Variants in LUZP2 observed in about 807,000 individuals in gnomAD.
The protein encoded by LUZP2 is leucine zipper protein 2.
LUZP2 carries 52 observed loss-of-function variants against 51.6 expected under a neutral mutation model. That is an observed-to-expected ratio of 1.01 (90% confidence interval 0.81 to 1.27). The LOEUF is 1.27. Among genes scored for constraint, LUZP2 ranks in the 50% most tolerant of loss-of-function variants. The probability of loss-of-function intolerance (pLI) is 0.00; values close to 1 mark genes in which losing one functional copy is unlikely to be tolerated. For missense variants in LUZP2, 436 were observed against 395.4 expected (o/e 1.10, Z -0.87); for synonymous variants, 154 against 137.3 (o/e 1.12, Z -0.85).
chr11:24,620,774 G>A (rs1256856621), intron 1 of LUZP2, among the ~76,000 whole-genome samples: 1 of 152,210 alleles, frequency 6.6e-6, no homozygotes, highest in African/African-American at 2.4e-5. Context: ...TACACTCACA[G>A]TGGGAGTGGG....
At chr11:24,841,964 A>G (rs1242795946) in intron 5 of LUZP2, among the ~76,000 whole-genome samples, 1 of 152,060 alleles carries the variant, frequency 6.6e-6, no homozygotes, top group Non-Finnish European at 1.5e-5. Context: ...GTATGAGGAA[A>G]CTCACATACC....
intron 1 of LUZP2, among the ~76,000 whole-genome samples, chr11:24,641,916 A>G (rs1259591634): frequency 6.6e-6 from 1 of 151,844 alleles, no homozygotes. Context: ...GTTTTTTGAG[A>G]TTGAGTCTCA....
chr11:25,028,649 A>G (rs1857565229), intron 9 of LUZP2, among the ~76,000 whole-genome samples: 1 of 150,734 alleles, frequency 6.6e-6, no homozygotes, highest in African/African-American at 2.4e-5. Context: ...ACCATTTTTT[A>G]TTTCAGTAGA....
chr11:24,585,581 C>G (rs1429798313), intron 1 of LUZP2, among the ~76,000 whole-genome samples: 3 of 151,794 alleles, frequency 2.0e-5, no homozygotes, highest in African/African-American at 7.3e-5. Context: ...ATATATTTTT[C>G]TACTTTAAAA....
chr11:24,594,490 C>G (rs538169779), intron 1 of LUZP2, among the ~76,000 whole-genome samples: 109 of 152,174 alleles, frequency 7.2e-4, no homozygotes, highest in African/African-American at 2.6e-3. Flanking sequence ...ATTCAGGGAT[C>G]GATACTTTGA....
intron 9 of LUZP2, among the ~76,000 whole-genome samples, chr11:24,997,522 C>T (rs1038938800): frequency 1.2e-4 from 19 of 152,086 alleles, no homozygotes; most frequent in Admixed American, 1.0e-3. Flanking sequence ...GATATTAGCC[C>T]TTTGTCAGAT....
chr11:24,525,788 A>G (rs1327654384), intron 1 of LUZP2, among the ~76,000 whole-genome samples: 3 of 151,430 alleles, frequency 2.0e-5, no homozygotes, highest in Non-Finnish European at 4.4e-5. Context: ...GGCCTTTAGG[A>G]AATCCTATTT....
intron 7 of LUZP2, among the ~76,000 whole-genome samples, chr11:24,924,911 A>T (rs1305321741): frequency 6.6e-6 from 1 of 152,156 alleles, no homozygotes; most frequent in Non-Finnish European, 1.5e-5. Flanking sequence ...TAATATGCAG[A>T]TGAAGCCTCT....
chr11:24,905,117 A>G (rs1853405939), intron 5 of LUZP2, among the ~76,000 whole-genome samples: 1 of 152,300 alleles, frequency 6.6e-6, no homozygotes, highest in Admixed American at 6.5e-5. Context: ...TTATATGTAT[A>G]TATATAATAA....
At position 24,629,538 on chromosome 11, in the gene LUZP2, AT is replaced by A. The variant is rs1208325134; in HGVS notation, c.63-99630del. ...TATATATATTCCATTGCATATATAT[AT>A]ATTCCATTGCATATATATATATATA... On this transcript the variant is annotated intron_variant, in intron 1 of 11. Coordinates refer to ENST00000336930, the MANE Select transcript of LUZP2 (RefSeq NM_001009909.4). 4.3e-5 allele frequency among the ~76,000 whole-genome samples: 5 copies of A among 116,414 alleles called. No homozygotes were observed. In the East Asian group the frequency reaches 1.2e-3, roughly 29 times the overall value. The allele number at this position is 116,414 out of a possible 152,430, so 76.4% of individuals were successfully genotyped here. A position where few individuals can be genotyped will look rare whatever the true frequency, so the allele number is the denominator to read the frequency against.
intron 5 of LUZP2, among the ~76,000 whole-genome samples, chr11:24,764,840 A>G (rs968599749): frequency 7.9e-5 from 12 of 152,106 alleles, no homozygotes; most frequent in African/African-American, 2.4e-4. Flanking sequence ...ATAAATAAAT[A>G]AACGCAAAAC....
chr11:24,746,043 T>C, intron 4 of LUZP2, among the ~76,000 whole-genome samples: 1 of 152,212 alleles, frequency 6.6e-6, no homozygotes, highest in East Asian at 1.9e-4. Flanking sequence ...ACCATCAATG[T>C]TCGTACTGAG....
intron 1 of LUZP2, chr11:24,646,480 T>C (rs1048654073): frequency 6.5e-6 from 3 of 463,562 alleles, no homozygotes; most frequent in Non-Finnish European, 8.5e-6. Flanking sequence ...CAGAGTTTCC[T>C]ATCTTAATGC....
At chr11:24,567,194 C>A in intron 1 of LUZP2, among the ~76,000 whole-genome samples, 1 of 149,280 alleles carries the variant, frequency 6.7e-6, no homozygotes. Context: ...GGTACAATCA[C>A]CTAAATGAAA....
rs1554957901 is a variant in LUZP2 at position 25,030,893 on chromosome 11, A to ATATATAATATATATTGTAT, written c.766-19139_766-19138insATATATATTGTATTATATA. Among the ~76,000 whole-genome samples, 45 of 40,044 alleles carry ATATATAATATATATTGTAT rather than the reference A, an allele frequency of 1.1e-3. 2 individuals carry two copies. Among genetic ancestry groups the ATATATAATATATATTGTAT allele is most frequent in the South Asian group, 1.2e-3 (2 of 1,660 alleles). The allele number at this position is 40,044 out of a possible 152,430, so 26.3% of individuals were successfully genotyped here. ...GTATATGTGTGTTACTATATATATT[A>ATATATAATATATATTGTAT]TATATATATATAATATATATTGTAT... is the stretch of plus-strand genomic sequence containing the variant. On this transcript the variant is annotated intron_variant, in intron 9 of 11. Transcript: ENST00000336930.
chr11:24,976,612 G>C lies in LUZP2; in HGVS notation c.544G>C (p.Glu182Gln). ...ACAGGCGCAGCAGCTTACTGATCTG[G>C]AACAAAAATTAGCTGTAGCCAAAAA... ...LFKAQQLTDL[E>Q]QKLAVAKNEL... is the part of the protein sequence containing the mutation. The change falls in exon 8 of 12, where the codon GAA (glutamate) becomes CAA (glutamine). Residue 182 changes from glutamate to glutamine, a missense_variant. Glu to Gln is a conservative substitution (Grantham distance 29). Transcript: ENST00000336930. 2 of 1,580,958 alleles carry C rather than the reference G, an allele frequency of 1.3e-6. No individual in the cohort carries two copies. The highest frequency in any genetic ancestry group is 1.7e-6 in the Non-Finnish European group (2 of 1,167,670).
chr11:25,051,840 T>A (rs1590878595), intron 10 of LUZP2, among the ~76,000 whole-genome samples: 1 of 152,174 alleles, frequency 6.6e-6, no homozygotes, highest in East Asian at 1.9e-4. Flanking sequence ...TTATGTGTGG[T>A]TTGCTAGGAT....
Position 25,079,256 on chromosome 11 carries a change from GT to G in LUZP2, c.*601del, listed in dbSNP as rs1279379512. 1 of 152,184 alleles carries G rather than the reference GT, an allele frequency of 6.6e-6. No homozygotes were observed. The highest frequency in any genetic ancestry group is 1.5e-5 in the Non-Finnish European group (1 of 68,032). 9.4% of individuals were successfully genotyped at this position (152,184 alleles called of 1,614,324 possible). A position where few individuals can be genotyped will look rare whatever the true frequency, so the allele number is the denominator to read the frequency against. On this transcript the variant is annotated 3_prime_UTR_variant, in exon 12 of 12. Coordinates refer to ENST00000336930, the MANE Select transcript of LUZP2 (RefSeq NM_001009909.4). ...TCAGCTAACATAATTCATTAAGTAT[GT>G]TTGGCATCATATGGACAAAATATTT...
intron 9 of LUZP2, among the ~76,000 whole-genome samples, chr11:24,997,324 G>A (rs1856535398): frequency 6.6e-6 from 1 of 152,222 alleles, no homozygotes; most frequent in African/African-American, 2.4e-5. Context: ...ACTGGTGTGA[G>A]ATGGTATCCC....
Sources: gnomAD v4.1 joint callset for allele counts (sites outside exome capture counted in the v4.1 genomes callset) on GRCh38, gnomAD v4.1.1 for gene constraint, MANE v1.5 for transcripts, NCBI Gene and HGNC (gene_info 2026-07-23, HGNC 2026-07-21) for gene names.